Variants in AP1B1 observed in about 807,000 individuals in gnomAD.
The protein encoded by AP1B1 is AP-1 complex subunit beta-1.
A neutral mutation model predicts 104.3 loss-of-function variants in AP1B1; 36 were observed. That is an observed-to-expected ratio of 0.35 (90% CI 0.26 to 0.46). The LOEUF (loss-of-function observed/expected upper bound fraction) is 0.46, where lower values mean the gene tolerates loss of function less well. Ranked by LOEUF, AP1B1 falls within the 20% of genes least tolerant of loss-of-function variation. The pLI is 1.00. For synonymous variants in AP1B1, 504 were observed against 517.5 expected (o/e 0.97, Z 0.35); for missense variants, 901 against 1,247.9 (o/e 0.72, Z 4.19).
intron 7 of AP1B1, among the ~76,000 whole-genome samples, chr22:29,353,505 G>T (rs1458294187): frequency 6.6e-6 from 1 of 152,152 alleles, no homozygotes; most frequent in Non-Finnish European, 1.5e-5. Flanking sequence ...TCACTACGCC[G>T]CATTAAATCC....
chr22:29,340,934 G>A, intron 13 of AP1B1, 77 bp from the exon 14 acceptor site: 1 of 1,442,994 alleles, frequency 6.9e-7, no homozygotes, highest in Non-Finnish European at 9.4e-7. Context: ...TCCAGGCAGA[G>A]CTGTCCCCCA....
chr22:29,351,913 G>T, intron 7 of AP1B1, 88 bp from the exon 8 acceptor site: 1 of 1,530,634 alleles, frequency 6.5e-7, no homozygotes. Context: ...GGACATTTCT[G>T]GGGTCTGAGG....
chr22:29,351,847 C>G, intron 7 of AP1B1, 22 bp from the exon 8 acceptor site: 1 of 1,609,686 alleles, frequency 6.2e-7, no homozygotes. Flanking sequence ...GCAGGATGCC[C>G]GGAGAGCAAA....
intron 1 of AP1B1, among the ~76,000 whole-genome samples, chr22:29,375,349 C>CAAAAAAAAAAAAAAAAA: frequency 1.7e-5 from 1 of 57,358 alleles, no homozygotes; most frequent in Non-Finnish European, 3.2e-5. Context: ...GATTCCATCA[C>CAAAAAAAAAAAAAAAAA]AAAAAAAAAA....
At chr22:29,354,560 G>A (rs1187252437) in intron 7 of AP1B1, 90 bp downstream of exon 7, 28 of 1,251,660 alleles carry the variant, frequency 2.2e-5, no homozygotes, top group African/African-American at 1.5e-5. Flanking sequence ...CCTGCATGGT[G>A]ACAGGTCAGT....
intron 14 of AP1B1, among the ~76,000 whole-genome samples, chr22:29,340,369 C>A (rs1052892605): frequency 3.3e-5 from 5 of 152,130 alleles, no homozygotes; most frequent in African/African-American, 1.2e-4. Context: ...GGCTAGGATG[C>A]GCCTCCCTGC....
At chr22:29,330,273 C>A (rs886329914) in intron 21 of AP1B1, 105 bp downstream of exon 21, 2 of 1,550,750 alleles carry the variant, frequency 1.3e-6, no homozygotes, top group African/African-American at 1.4e-5. Context: ...CTAGTTCAAG[C>A]CAGGCTTGAA....
chr22:29,358,670 C>T, intron 5 of AP1B1, 56 bp downstream of exon 5: 7 of 1,573,298 alleles, frequency 4.4e-6, no homozygotes, highest in Non-Finnish European at 6.1e-6. Flanking sequence ...AAGCCAATGT[C>T]TTCCCAAGCA....
At chr22:29,348,490 T>A (rs1287838567) in intron 11 of AP1B1, among the ~76,000 whole-genome samples, 1 of 152,246 alleles carries the variant, frequency 6.6e-6, no homozygotes, top group Non-Finnish European at 1.5e-5. Context: ...CGCTAAGGCA[T>A]GAATTACAGT....
chr22:29,349,084 T>C, intron 11 of AP1B1, 134 bp downstream of exon 11: 1 of 1,021,988 alleles, frequency 9.8e-7, no homozygotes, highest in Middle Eastern at 3.1e-4. Flanking sequence ...CGGTGTCCAT[T>C]ACGCGCACAT....
At chr22:29,357,688 G>GTTTTT (rs695400) in intron 5 of AP1B1, among the ~76,000 whole-genome samples, 4 of 126,112 alleles carry the variant, frequency 3.2e-5, no homozygotes, top group South Asian at 2.6e-4. Flanking sequence ...TCAGGCAGCT[G>GTTTTT]TTTTTTTTTT....
intron 11 of AP1B1, among the ~76,000 whole-genome samples, chr22:29,346,450 C>T (rs998962598): frequency 6.6e-6 from 1 of 152,214 alleles, no homozygotes; most frequent in African/African-American, 2.4e-5. Context: ...TCAGATCAGG[C>T]ATTAGGTTCT....
chr22:29,343,210 G>A (rs1223786259), intron 11 of AP1B1, among the ~76,000 whole-genome samples: 1 of 152,248 alleles, frequency 6.6e-6, no homozygotes, highest in Non-Finnish European at 1.5e-5. Context: ...ATTTTTGCTA[G>A]TCCTAGGACA....
At chr22:29,334,860 C>T (rs1413127864) in intron 16 of AP1B1, among the ~76,000 whole-genome samples, 1 of 152,226 alleles carries the variant, frequency 6.6e-6, no homozygotes, top group Admixed American at 6.5e-5. Context: ...ACCGCCTGTC[C>T]TCCCTTGCAG....
intron 5 of AP1B1, among the ~76,000 whole-genome samples, chr22:29,357,366 C>T (rs1247815990): frequency 6.6e-6 from 1 of 151,934 alleles, no homozygotes; most frequent in Non-Finnish European, 1.5e-5. Flanking sequence ...CTGCACATAG[C>T]TTGTTTTTGT....
chr22:29,336,506 T>C (rs1037375659), intron 16 of AP1B1, among the ~76,000 whole-genome samples: 2 of 152,090 alleles, frequency 1.3e-5, no homozygotes, highest in African/African-American at 4.8e-5. Context: ...GTAACACTGG[T>C]AAGACAAACA....
chr22:29,337,985 C>T (rs542029742), intron 16 of AP1B1, among the ~76,000 whole-genome samples: 34 of 152,314 alleles, frequency 2.2e-4, no homozygotes, highest in Middle Eastern at 3.4e-3. Context: ...CAAGAAGAAA[C>T]GCTCAGCCTG....
At chr22:29,373,970 GGT>G (rs1491076523) in intron 1 of AP1B1, among the ~76,000 whole-genome samples, 1 of 150,590 alleles carries the variant, frequency 6.6e-6, no homozygotes, top group Non-Finnish European at 1.5e-5. Flanking sequence ...GGCTGAGGGG[GGT>G]GGATCACCTG....
In AP1B1 at chr22:29,338,442, G is replaced by A. The variant is rs534997417; in HGVS notation, c.2163+548C>T. Among the ~76,000 whole-genome samples, 7 of 152,316 alleles carry A rather than the reference G, an allele frequency of 4.6e-5. No individual in the cohort carries two copies. In the East Asian group the frequency reaches 1.2e-3, roughly 25 times the overall value. On this transcript the variant is annotated intron_variant, in intron 16 of 22. Coordinates refer to ENST00000357586, the MANE Select transcript of AP1B1 (RefSeq NM_001127.4). ...CTGGCAACTTCATGTCTTCTGGGGTGAGCGGGCAGGCGTGCCCAGACGTTT... is the reference window on the plus strand; with the variant it reads ...CTGGCAACTTCATGTCTTCTGGGGTAAGCGGGCAGGCGTGCCCAGACGTTT...
Sources: gnomAD v4.1 joint callset for allele counts (sites outside exome capture counted in the v4.1 genomes callset) on GRCh38, gnomAD v4.1.1 for gene constraint, MANE v1.5 for transcripts, NCBI Gene and HGNC (gene_info 2026-07-23, HGNC 2026-07-21) for gene names.